The following OPCML variants were observed in gnomAD, a reference collection of about 807,000 sequenced individuals.
The protein encoded by OPCML is opioid binding protein/cell adhesion molecule like, also known as opioid-binding protein/cell adhesion molecule.
In OPCML, 13 loss-of-function variants were observed where a neutral mutation model predicts 37.8. The observed-to-expected ratio is 0.34, with a 90% CI of 0.22 to 0.55. The LOEUF (loss-of-function observed/expected upper bound fraction) is 0.55, where lower values mean the gene tolerates loss of function less well. Among genes scored for constraint, OPCML ranks in the 20% least tolerant of loss-of-function variants. The pLI is 0.91. For synonymous variants in OPCML, 176 were observed against 168.8 expected (o/e 1.04, Z -0.33); for missense variants, 341 against 435.6 (o/e 0.78, Z 1.93).
chr11:132,539,626 C>T (rs748616757), intron 3 of OPCML, among the ~76,000 whole-genome samples: 19 of 151,480 alleles, frequency 1.3e-4, no homozygotes, highest in Non-Finnish European at 2.2e-4. Context: ...GTGATAATAA[C>T]GGTGATGATG....
intron 1 of OPCML, among the ~76,000 whole-genome samples, chr11:133,218,125 G>C (rs943703716): frequency 8.6e-5 from 13 of 151,950 alleles, no homozygotes; most frequent in African/African-American, 3.1e-4. Context: ...ACTAGGGTGG[G>C]AATGCCATGT....
At chr11:133,448,527 G>A (rs1165003164) in intron 1 of OPCML, among the ~76,000 whole-genome samples, 2 of 152,074 alleles carry the variant, frequency 1.3e-5, no homozygotes, top group Admixed American at 6.5e-5. Flanking sequence ...GCGCGATCTC[G>A]ACTCACCGCA....
At chr11:133,472,658 C>T (rs1475362068) in intron 1 of OPCML, among the ~76,000 whole-genome samples, 1 of 151,796 alleles carries the variant, frequency 6.6e-6, no homozygotes, top group East Asian at 1.9e-4. Flanking sequence ...CCAAATAGTC[C>T]TCGGATCCAG....
At chr11:133,308,358 A>C (rs1477432501) in intron 1 of OPCML, among the ~76,000 whole-genome samples, 2 of 152,170 alleles carry the variant, frequency 1.3e-5, no homozygotes, top group Non-Finnish European at 2.9e-5. Flanking sequence ...GAAACAACCT[A>C]ACTTAATATT....
chr11:133,006,745 C>T (rs1466527655), intron 1 of OPCML: 16 of 985,444 alleles, frequency 1.6e-5, no homozygotes, highest in Non-Finnish European at 1.9e-5. Flanking sequence ...GGTGTGAACA[C>T]CTAGACATTG....
intron 1 of OPCML, among the ~76,000 whole-genome samples, chr11:133,408,053 G>C (rs1945560914): frequency 6.6e-6 from 1 of 152,120 alleles, no homozygotes; most frequent in Admixed American, 6.5e-5. Flanking sequence ...GTTCTTGAAA[G>C]CCGTGACTTT....
In OPCML at chr11:133,337,729, A is replaced by C. The variant is rs148256029; in HGVS notation, c.61+194535T>G. Reference sequence around the variant, plus strand: ...CCTCCAAATAGAACTCAAAGTAAGAATACCTGGGCTAGGTTTCAACTCAGG... The same window carrying C: ...CCTCCAAATAGAACTCAAAGTAAGACTACCTGGGCTAGGTTTCAACTCAGG... On this transcript the variant is annotated intron_variant, in intron 1 of 7. Coordinates refer to ENST00000524381, the MANE Select transcript of OPCML (RefSeq NM_001012393.5). 5.9e-3 allele frequency among the ~76,000 whole-genome samples: 901 copies of C among 152,310 alleles called. 13 individuals carry two copies. Among genetic ancestry groups the C allele is most frequent in the African/African-American group, 0.02 (850 of 41,566 alleles).
intron 1 of OPCML, among the ~76,000 whole-genome samples, chr11:133,394,029 C>A (rs184530318): frequency 6.6e-6 from 1 of 152,322 alleles, no homozygotes; most frequent in African/African-American, 2.4e-5. Context: ...ACTGTACCCC[C>A]ATCTTAGTAC....
intron 1 of OPCML, among the ~76,000 whole-genome samples, chr11:133,071,029 A>G (rs1000684501): frequency 6.6e-6 from 1 of 152,228 alleles, no homozygotes; most frequent in Non-Finnish European, 1.5e-5. Flanking sequence ...TGGGAGAGAG[A>G]ATGTGATCTC....
At chr11:133,222,823 C>G (rs758817526) in intron 1 of OPCML, among the ~76,000 whole-genome samples, 2 of 151,820 alleles carry the variant, frequency 1.3e-5, no homozygotes, top group African/African-American at 2.4e-5. Context: ...GGGGCCGAGC[C>G]GGGGACTAAG....
At chr11:133,523,205 T>C (rs78283077) in intron 1 of OPCML, among the ~76,000 whole-genome samples, 8 of 152,268 alleles carry the variant, frequency 5.3e-5, no homozygotes, top group East Asian at 1.9e-4. Context: ...GAGATTGAGA[T>C]TATTAGACCG....
At chr11:132,924,172 A>G (rs1212678403) in intron 2 of OPCML, among the ~76,000 whole-genome samples, 1 of 151,896 alleles carries the variant, frequency 6.6e-6, no homozygotes, top group Non-Finnish European at 1.5e-5. Flanking sequence ...GACAGAGAGA[A>G]AAGAGGAAGT....
chr11:132,887,141 G>C (rs564122343), intron 2 of OPCML, among the ~76,000 whole-genome samples: 1 of 152,292 alleles, frequency 6.6e-6, no homozygotes, highest in East Asian at 1.9e-4. Context: ...TGGTGGTCTC[G>C]TAGGACCATA....
chr11:132,686,263 G>A (rs962121166), intron 2 of OPCML, among the ~76,000 whole-genome samples: 5 of 152,130 alleles, frequency 3.3e-5, no homozygotes, highest in Non-Finnish European at 7.4e-5. Context: ...ACAACAACAT[G>A]AAAATGAGGA....
chr11:132,999,394 T>C (rs1946950081), intron 1 of OPCML, among the ~76,000 whole-genome samples: 1 of 152,212 alleles, frequency 6.6e-6, no homozygotes, highest in African/African-American at 2.4e-5. Context: ...GTTGGAATAA[T>C]ATCCCCAGGT....
At chr11:132,947,973 A>G (rs1421649523) in intron 1 of OPCML, among the ~76,000 whole-genome samples, 1 of 151,960 alleles carries the variant, frequency 6.6e-6, no homozygotes, top group Non-Finnish European at 1.5e-5. Context: ...TCTGTCCTCA[A>G]AAAGTTTCAG....
chr11:133,221,216 C>A (rs962372473), intron 1 of OPCML, among the ~76,000 whole-genome samples: 1 of 152,200 alleles, frequency 6.6e-6, no homozygotes. Flanking sequence ...TGTGATGGCA[C>A]AGTGACAAGG....
At chr11:133,117,111 A>G (rs1341807405) in intron 1 of OPCML, among the ~76,000 whole-genome samples, 1 of 152,196 alleles carries the variant, frequency 6.6e-6, no homozygotes, top group African/African-American at 2.4e-5. Context: ...CCATTTAAAA[A>G]AATTTTTAAT....
At chr11:133,476,023 AG>A (rs1947230616) in intron 1 of OPCML, among the ~76,000 whole-genome samples, 1 of 152,180 alleles carries the variant, frequency 6.6e-6, no homozygotes, top group Non-Finnish European at 1.5e-5. Flanking sequence ...TGGCTTCAAA[AG>A]CTTCTAAGGA....
Sources: gnomAD v4.1 joint callset for allele counts (sites outside exome capture counted in the v4.1 genomes callset) on GRCh38, gnomAD v4.1.1 for gene constraint, MANE v1.5 for transcripts, NCBI Gene and HGNC (gene_info 2026-07-23, HGNC 2026-07-21) for gene names.